TRAPPC9: variants seen among roughly 807,000 people sequenced by gnomAD.
TRAPPC9 encodes trafficking protein particle complex subunit 9.
Under a neutral mutation model 124.0 loss-of-function variants are expected in TRAPPC9, and 83 were observed. That is an observed-to-expected ratio of 0.67 (90% CI 0.56 to 0.80). The LOEUF (loss-of-function observed/expected upper bound fraction) is 0.80. Among genes scored for constraint, TRAPPC9 ranks in the 30% least tolerant of loss-of-function variants. TRAPPC9 has a pLI of 0.00. For synonymous variants in TRAPPC9, 638 were observed against 617.5 expected (o/e 1.03, Z -0.49); for missense variants, 1,302 against 1,508.3 (o/e 0.86, Z 2.27).
At chr8:139,947,710 A>T (rs574449334) in intron 19 of TRAPPC9, among the ~76,000 whole-genome samples, 7 of 150,082 alleles carry the variant, frequency 4.7e-5, no homozygotes, top group East Asian at 3.9e-4. Flanking sequence ...AAATAAAAAT[A>T]AAAAAAAATT....
chr8:140,283,436 A>G, intron 14 of TRAPPC9, among the ~76,000 whole-genome samples: 1 of 149,870 alleles, frequency 6.7e-6, no homozygotes, highest in East Asian at 2.0e-4. Flanking sequence ...CTGTGACTAC[A>G]GGCGCCCGCC....
intron 17 of TRAPPC9, among the ~76,000 whole-genome samples, chr8:140,033,231 A>T (rs1392756530): frequency 6.6e-6 from 1 of 152,230 alleles, no homozygotes; most frequent in East Asian, 1.9e-4. Context: ...CAGGACTAGT[A>T]AATGAATGGA....
intron 8 of TRAPPC9, among the ~76,000 whole-genome samples, chr8:140,365,675 C>T (rs767445285): frequency 1.3e-5 from 2 of 152,248 alleles, no homozygotes; most frequent in Admixed American, 6.5e-5. Flanking sequence ...GCAGCTGCTC[C>T]AGGTATGTCA....
intron 21 of TRAPPC9, among the ~76,000 whole-genome samples, chr8:139,875,715 G>A (rs141927090): frequency 4.6e-5 from 7 of 152,206 alleles, no homozygotes; most frequent in Non-Finnish European, 7.4e-5. Context: ...ATTCACCATC[G>A]TGGTCTCCAG....
intron 5 of TRAPPC9, among the ~76,000 whole-genome samples, chr8:140,425,822 A>G (rs887187887): frequency 6.6e-6 from 1 of 152,238 alleles, no homozygotes; most frequent in South Asian, 2.1e-4. Flanking sequence ...CCTGAAACCA[A>G]AACTAAGCAT....
intron 17 of TRAPPC9, among the ~76,000 whole-genome samples, chr8:140,143,901 T>G (rs1482892060): frequency 1.3e-5 from 2 of 152,212 alleles, no homozygotes; most frequent in Non-Finnish European, 2.9e-5. Flanking sequence ...CTGACAACAA[T>G]TATAAAACTC....
At chr8:140,452,584 A>G (rs1331715308) in intron 1 of TRAPPC9, among the ~76,000 whole-genome samples, 1 of 152,182 alleles carries the variant, frequency 6.6e-6, no homozygotes, top group Non-Finnish European at 1.5e-5. Context: ...GAGAGTTGCC[A>G]TAACCTCTCT....
chr8:140,161,427 G>A (rs769002175), intron 17 of TRAPPC9, among the ~76,000 whole-genome samples: 11 of 139,908 alleles, frequency 7.9e-5, no homozygotes, highest in African/African-American at 2.1e-4. Flanking sequence ...TTTTTTTTTC[G>A]CATTTTGGAA....
chr8:140,171,554 T>C (rs1318725425), intron 17 of TRAPPC9, among the ~76,000 whole-genome samples: 1 of 152,188 alleles, frequency 6.6e-6, no homozygotes, highest in African/African-American at 2.4e-5. Context: ...ACAAGACTTA[T>C]TTACAGCAAG....
At position 140,275,746 on chromosome 8, in the gene TRAPPC9, T is replaced by C; in HGVS notation, c.2190A>G (p.Glu730=). Residue 730 remains glutamate, a synonymous_variant, in exon 15 of 23, where the codon GAA becomes GAG. Coordinates refer to ENST00000438773, the MANE Select transcript of TRAPPC9 (RefSeq NM_001160372.4). The part of the protein sequence containing the change: ...TNVSVQLYNG[E]SQQLIIKLEN... ...CCAATTTAATGATTAGTTGCTGACT[T>C]TCTCCATTGTAAAGCTGGACAGATA... The C allele has an allele frequency of 6.2e-7, 1 of 1,613,908 alleles. No homozygotes were observed. The highest frequency in any genetic ancestry group is 1.1e-5 in the South Asian group (1 of 91,072).
intron 5 of TRAPPC9, among the ~76,000 whole-genome samples, chr8:140,418,771 TAGAC>T (rs57372376): frequency 0.085 from 11,182 of 130,948 alleles, 447 homozygotes; most frequent in Middle Eastern, 0.14. Flanking sequence ...GATAGATAGA[TAGAC>T]AGACAGACAG....
At chr8:139,772,116 T>G (rs1231162458) in intron 21 of TRAPPC9, among the ~76,000 whole-genome samples, 1 of 152,222 alleles carries the variant, frequency 6.6e-6, no homozygotes, top group Non-Finnish European at 1.5e-5. Context: ...ACAGATAACC[T>G]GCTTCTCACA....
intron 16 of TRAPPC9, among the ~76,000 whole-genome samples, chr8:140,231,660 A>ATTTTTTTTTT (rs71520265): frequency 7.8e-6 from 1 of 127,938 alleles, no homozygotes; most frequent in African/African-American, 2.9e-5. Context: ...CACACAGCTA[A>ATTTTTTTTTT]TTTTTTTTTT....
chr8:140,114,937 C>T (rs976935852), intron 17 of TRAPPC9, among the ~76,000 whole-genome samples: 1 of 152,142 alleles, frequency 6.6e-6, no homozygotes, highest in African/African-American at 2.4e-5. Flanking sequence ...CTGACTACCT[C>T]CTGAGAGCTG....
intron 21 of TRAPPC9, among the ~76,000 whole-genome samples, chr8:139,799,244 T>C (rs1200735506): frequency 1.3e-5 from 2 of 152,130 alleles, no homozygotes; most frequent in Non-Finnish European, 2.9e-5. Context: ...AGTGAGAGAA[T>C]GGACTAATAC....
At chr8:139,995,978 A>G (rs1343506817) in intron 18 of TRAPPC9, among the ~76,000 whole-genome samples, 3 of 151,520 alleles carry the variant, frequency 2.0e-5, no homozygotes, top group African/African-American at 4.8e-5. Context: ...AACTCAACAC[A>G]GAACCAGGAA....
At chr8:140,054,365 GACAA>G (rs1400865343) in intron 17 of TRAPPC9, among the ~76,000 whole-genome samples, 1 of 152,024 alleles carries the variant, frequency 6.6e-6, no homozygotes, top group Non-Finnish European at 1.5e-5. Flanking sequence ...AATATCTTCA[GACAA>G]ACAAAAACAA....
At position 140,353,174 on chromosome 8, in the gene TRAPPC9, G is replaced by A. The variant is rs185563753; in HGVS notation, c.1495+6876C>T. ...CCAAGCCCAGGAAATCATGTGCAAC[G>A]CAAACCATCTATACTCTAGCGTGAG... On this transcript the variant is annotated intron_variant, in intron 9 of 22. Coordinates refer to ENST00000438773, the MANE Select transcript of TRAPPC9 (RefSeq NM_001160372.4). This position sits in a 1 kb window ranked among gnomAD's most constrained non-coding sequence, Gnocchi z 4.2. 2.0e-5 allele frequency among the ~76,000 whole-genome samples: 3 copies of A among 152,162 alleles called. No homozygotes were observed. The highest frequency in any genetic ancestry group is 4.8e-5 in the African/African-American group (2 of 41,472).
chr8:139,891,079 AG>A (rs1830317077), intron 20 of TRAPPC9, among the ~76,000 whole-genome samples: 1 of 152,010 alleles, frequency 6.6e-6, no homozygotes, highest in Non-Finnish European at 1.5e-5. Flanking sequence ...TCTTAAGAGG[AG>A]TTGCTTAGTA....
Sources: gnomAD v4.1 joint callset for allele counts (sites outside exome capture counted in the v4.1 genomes callset) on GRCh38, gnomAD v4.1.1 for gene constraint, Gnocchi (gnomAD v3.1) non-coding constraint, MANE v1.5 for transcripts, NCBI Gene and HGNC (gene_info 2026-07-23, HGNC 2026-07-21) for gene names.